MGAT4C: variants seen among roughly 807,000 people sequenced by gnomAD.
MGAT4C encodes the protein alpha-1,3-mannosyl-glycoprotein 4-beta-N-acetylglucosaminyltransferase C.
Under a neutral mutation model 40.1 loss-of-function variants are expected in MGAT4C, and 19 were observed. That is an observed-to-expected ratio of 0.47 (90% CI 0.33 to 0.70). MGAT4C has a LOEUF of 0.70. MGAT4C is among the 30% of genes least tolerant of loss of function. The pLI is 0.02. For missense variants in MGAT4C, 491 were observed against 563.2 expected, an observed-to-expected ratio of 0.87 and a Z score of 1.30; for synonymous variants, 181 against 187.1, an observed-to-expected ratio of 0.97 and a Z score of 0.27.
chr12:85,998,632 T>A (rs1886926981), intron 2 of MGAT4C, among the ~76,000 whole-genome samples: 1 of 152,174 alleles, frequency 6.6e-6, no homozygotes. Context: ...AGGGATAAAA[T>A]GCTGCCAGTC....
At chr12:86,449,492 T>C (rs531597321) in intron 2 of MGAT4C, among the ~76,000 whole-genome samples, 3 of 152,244 alleles carry the variant, frequency 2.0e-5, no homozygotes, top group African/African-American at 7.2e-5. Flanking sequence ...AGCTAACACA[T>C]TCATTGAGAC....
At chr12:86,584,667 T>A (rs1438489302) in intron 2 of MGAT4C, among the ~76,000 whole-genome samples, 1 of 151,376 alleles carries the variant, frequency 6.6e-6, no homozygotes, top group African/African-American at 2.4e-5. Flanking sequence ...GCTCATTCAA[T>A]GCGTATATAT....
upstream of MGAT4C, among the ~76,000 whole-genome samples, chr12:86,260,532 C>T (rs576995670): frequency 6.6e-6 from 1 of 152,018 alleles, no homozygotes; most frequent in Admixed American, 6.6e-5. Context: ...AGAAAGAAAC[C>T]TCCAAATCAA....
At chr12:86,433,209 T>C (rs1216520786) in intron 3 of MGAT4C, among the ~76,000 whole-genome samples, 1 of 151,926 alleles carries the variant, frequency 6.6e-6, no homozygotes, top group African/African-American at 2.4e-5. Context: ...ATGTTAACAA[T>C]TGTAGCTCCT....
At position 85,959,724 on chromosome 12, in the gene MGAT4C, T is replaced by G. The variant is rs566524981; in HGVS notation, c.*19565A>C. 4.6e-5 allele frequency: 7 copies of G among 151,854 alleles called. No individual in the cohort carries two copies. The South Asian group carries it at 1.2e-3, about 27-fold the overall frequency. The allele number at this position is 151,854 out of a possible 1,614,324, so 9.4% of individuals were successfully genotyped here. A position where few individuals can be genotyped will look rare whatever the true frequency, so the allele number is the denominator to read the frequency against. The stretch of plus-strand genomic sequence containing the variant: ...TTTCTGCTTTTTTTTTTTTTTTATT[T>G]TCTGCTTGCTGAAATCGAGATCAAT... On this transcript the variant is annotated 3_prime_UTR_variant, in exon 5 of 5. Transcript: ENST00000611864.
At chr12:86,801,492 A>G (rs34483496) in intron 1 of MGAT4C, among the ~76,000 whole-genome samples, 18,690 of 151,816 alleles carry the variant, frequency 0.12, 1,275 homozygotes, top group Non-Finnish European at 0.15. Flanking sequence ...TAGGAGATCA[A>G]TAGAAAGTTC....
intron 2 of MGAT4C, among the ~76,000 whole-genome samples, chr12:86,436,915 C>T (rs1047622431): frequency 4.0e-5 from 6 of 151,600 alleles, no homozygotes; most frequent in Non-Finnish European, 4.4e-5. Flanking sequence ...TTAAGAATTA[C>T]CTATTGATTA....
intron 1 of MGAT4C, among the ~76,000 whole-genome samples, chr12:86,144,380 C>T (rs1290900433): frequency 6.6e-6 from 1 of 151,936 alleles, no homozygotes; most frequent in Non-Finnish European, 1.5e-5. Context: ...CTAGTTATAC[C>T]CTCGAGTACA....
At chr12:86,439,634 G>C (rs1565763532) in intron 2 of MGAT4C, among the ~76,000 whole-genome samples, 1 of 151,956 alleles carries the variant, frequency 6.6e-6, no homozygotes, top group African/African-American at 2.4e-5. Flanking sequence ...AAAGATCAGA[G>C]CAGAACTAAG....
rs73394948 is a variant in MGAT4C at position 86,635,217 on chromosome 12, C to T, written c.-229+91992G>A. 3.3e-3 allele frequency among the ~76,000 whole-genome samples: 505 copies of T among 152,176 alleles called. 2 individuals carry two copies. Among genetic ancestry groups the T allele is most frequent in the African/African-American group, 0.012 (484 of 41,526 alleles). ...CTGCCAAGTTAGTGATGTGATTCTC[C>T]GGTTTTTGCATTGTCAGAAAGTCAA... is the stretch of plus-strand genomic sequence containing the variant. On this transcript the variant is annotated intron_variant, in intron 2 of 7. Coordinates refer to the MGAT4C transcript ENST00000548651.
chr12:86,835,653 G>A (rs1953022064), intron 1 of MGAT4C, among the ~76,000 whole-genome samples: 1 of 151,940 alleles, frequency 6.6e-6, no homozygotes, highest in African/African-American at 2.4e-5. Context: ...GCAAATTATG[G>A]TTGATAATTT....
chr12:86,483,112 C>T (rs1043493388), intron 2 of MGAT4C, among the ~76,000 whole-genome samples: 4 of 152,138 alleles, frequency 2.6e-5, no homozygotes, highest in African/African-American at 7.2e-5. Context: ...TGGTTAGATC[C>T]TTCTTCTTGT....
chr12:86,585,471 T>G (rs1369101181), intron 2 of MGAT4C, among the ~76,000 whole-genome samples: 2 of 151,418 alleles, frequency 1.3e-5, no homozygotes, highest in African/African-American at 2.4e-5. Flanking sequence ...ACATATTACA[T>G]TAATTAAAAA....
At chr12:86,323,771 T>C (rs547341389) in intron 4 of MGAT4C, among the ~76,000 whole-genome samples, 25 of 152,068 alleles carry the variant, frequency 1.6e-4, no homozygotes, top group African/African-American at 5.8e-4. Context: ...ATTGAAACAT[T>C]TTCCGATAAA....
At chr12:86,834,080 T>G (rs1360817073) in intron 1 of MGAT4C, among the ~76,000 whole-genome samples, 1 of 151,884 alleles carries the variant, frequency 6.6e-6, no homozygotes, top group Non-Finnish European at 1.5e-5. Context: ...CATTCAACGA[T>G]GGATACCTAG....
intron 2 of MGAT4C, among the ~76,000 whole-genome samples, chr12:86,485,587 G>T (rs2136317416): frequency 6.6e-6 from 1 of 152,176 alleles, no homozygotes; most frequent in Non-Finnish European, 1.5e-5. Flanking sequence ...ACTATGTAAA[G>T]AAATACAACA....
chr12:86,776,027 A>T (rs1951742880), intron 1 of MGAT4C, among the ~76,000 whole-genome samples: 1 of 152,074 alleles, frequency 6.6e-6, no homozygotes, highest in Admixed American at 6.6e-5. Flanking sequence ...ATATAAAATC[A>T]ATGACGTTTC....
chr12:86,787,494 A>AGATTGC (rs1187885743), intron 1 of MGAT4C, among the ~76,000 whole-genome samples: 1 of 151,968 alleles, frequency 6.6e-6, no homozygotes, highest in African/African-American at 2.4e-5. Context: ...TCCAGTAGTG[A>AGATTGC]GATTGCTGGA....
At chr12:86,612,995 A>G (rs544525535) in intron 2 of MGAT4C, among the ~76,000 whole-genome samples, 1 of 152,292 alleles carries the variant, frequency 6.6e-6, no homozygotes, top group East Asian at 1.9e-4. Flanking sequence ...TGATAACATG[A>G]CCAAACTTGT....
Sources: allele counts gnomAD v4.1 joint callset (sites outside exome capture counted in the v4.1 genomes callset), GRCh38; gene constraint gnomAD v4.1.1; transcripts MANE v1.5; gene names NCBI Gene and HGNC (gene_info 2026-07-23, HGNC 2026-07-21).